The following LRRC49 variants were observed in gnomAD, a reference collection of about 807,000 sequenced individuals.
LRRC49 encodes the protein leucine-rich repeat-containing protein 49.
A neutral mutation model predicts 83.3 loss-of-function variants in LRRC49; 50 were observed. That is an observed-to-expected ratio of 0.60 (90% CI 0.48 to 0.76). The LOEUF (loss-of-function observed/expected upper bound fraction) is 0.76. LRRC49 is among the 30% of genes least tolerant of loss of function. LRRC49 has a pLI of 0.00. For synonymous variants in LRRC49, 286 were observed against 283.3 expected (o/e 1.01, Z -0.10); for missense variants, 704 against 809.1 (o/e 0.87, Z 1.58).
chr15:70,854,069 T>G, intron 1 of LRRC49: 1 of 1,371,864 alleles, frequency 7.3e-7, no homozygotes, highest in African/African-American at 1.5e-5. Context: ...GGGCCGAGCC[T>G]CCCCGCCGGA....
chr15:70,914,082 G>A (rs187978256), intron 6 of LRRC49, among the ~76,000 whole-genome samples: 159 of 151,740 alleles, frequency 1.0e-3, no homozygotes, highest in African/African-American at 3.6e-3. Flanking sequence ...GAAGTAATTT[G>A]TGCAGTACAA....
At chr15:70,875,773 C>T (rs2033140851) in intron 2 of LRRC49, among the ~76,000 whole-genome samples, 1 of 152,126 alleles carries the variant, frequency 6.6e-6, no homozygotes, top group Non-Finnish European at 1.5e-5. Context: ...ACACTATAGC[C>T]GATAAGCGTC....
Position 70,886,378 on chromosome 15 carries a change from A to T in LRRC49, c.19-7206A>T, listed in dbSNP as rs540870354. Among the ~76,000 whole-genome samples, 3 of 152,352 alleles carry T rather than the reference A, an allele frequency of 2.0e-5. No individual in the cohort carries two copies. In the East Asian group the frequency reaches 5.8e-4, roughly 29 times the overall value. On this transcript the variant is annotated intron_variant, in intron 2 of 16. Coordinates refer to the LRRC49 transcript ENST00000544974. ...TTTGTGAAATAAGCTTGTGAAACTT[A>T]GCTGCACCATTTAACATTCACCATA...
At chr15:71,012,171 A>G (rs1452722022) in intron 13 of LRRC49, among the ~76,000 whole-genome samples, 1 of 152,206 alleles carries the variant, frequency 6.6e-6, no homozygotes, top group Non-Finnish European at 1.5e-5. Context: ...CCTATTTTAT[A>G]TTAAAGAAAA....
At chr15:71,002,976 T>A in intron 11 of LRRC49, among the ~76,000 whole-genome samples, 1 of 111,686 alleles carries the variant, frequency 9.0e-6, no homozygotes, top group Non-Finnish European at 1.8e-5. Context: ...GAGACAGAGT[T>A]TTTGAGGCTG....
chr15:70,982,086 T>G (rs1025577868), intron 10 of LRRC49, among the ~76,000 whole-genome samples: 2 of 152,096 alleles, frequency 1.3e-5, no homozygotes, highest in Admixed American at 1.3e-4. Flanking sequence ...TAACCCAAAT[T>G]AAAGAAGCTT....
chr15:70,894,628 C>G (rs1225085443), intron 2 of LRRC49: 1 of 1,287,382 alleles, frequency 7.8e-7, no homozygotes, highest in African/African-American at 1.5e-5. Context: ...ATGATTTTTC[C>G]TCCTTTGACC....
chr15:70,859,292 G>A (rs1001808844), intron 1 of LRRC49: 8 of 821,812 alleles, frequency 9.7e-6, no homozygotes, highest in Non-Finnish European at 1.7e-5. Flanking sequence ...GAATGAATTT[G>A]TCCTCATCAA....
At chr15:71,049,031 C>T (rs1445812684) in intron 15 of LRRC49, among the ~76,000 whole-genome samples, 1 of 152,130 alleles carries the variant, frequency 6.6e-6, no homozygotes, top group African/African-American at 2.4e-5. Context: ...GAAATTGTCA[C>T]TATCTGTATC....
intron 2 of LRRC49, among the ~76,000 whole-genome samples, chr15:70,880,589 G>A (rs985011198): frequency 5.9e-5 from 9 of 152,038 alleles, no homozygotes; most frequent in Middle Eastern, 3.2e-3. Context: ...TTCCTTATAC[G>A]TCATTTAAAA....
At position 71,052,185 on chromosome 15, in the gene LRRC49, T is replaced by A. The variant is rs557231832; in HGVS notation, c.*2573T>A. ...AACAAATTGCCATTTCTTCTTGGAA[T>A]TTTCCAGGGTTTTCAGGGAAGGGGA... is the stretch of plus-strand genomic sequence containing the variant. On this transcript the variant is annotated 3_prime_UTR_variant, in exon 16 of 16. Transcript: ENST00000260382. The A allele has an allele frequency of 3.3e-4, 51 of 152,248 alleles. No individual in the cohort carries two copies. Among genetic ancestry groups the A allele is most frequent in the African/African-American group, 1.2e-3 (48 of 41,512 alleles). 9.4% of individuals were successfully genotyped at this position (152,248 alleles called of 1,614,324 possible). A position where few individuals can be genotyped will look rare whatever the true frequency, so the allele number is the denominator to read the frequency against.
intron 9 of LRRC49, among the ~76,000 whole-genome samples, chr15:70,977,616 A>G (rs2037252446): frequency 6.6e-6 from 1 of 152,134 alleles, no homozygotes; most frequent in African/African-American, 2.4e-5. Flanking sequence ...TGGCACTCCA[A>G]GCCTGGGCAA....
intron 2 of LRRC49, among the ~76,000 whole-genome samples, chr15:70,893,863 T>C (rs1021254574): frequency 7.3e-5 from 11 of 150,868 alleles, no homozygotes; most frequent in African/African-American, 2.7e-4. Flanking sequence ...GGTAAGGGTT[T>C]TTTTGTTTTT....
intron 8 of LRRC49, among the ~76,000 whole-genome samples, chr15:70,942,242 T>G (rs1224328058): frequency 6.6e-6 from 1 of 152,128 alleles, no homozygotes; most frequent in East Asian, 1.9e-4. Flanking sequence ...AAAACACTGA[T>G]GTACCAAAGG....
intron 10 of LRRC49, 33 bp from the exon 11 acceptor site, chr15:70,984,061 A>T: frequency 6.3e-7 from 1 of 1,588,896 alleles, no homozygotes; most frequent in Non-Finnish European, 8.6e-7. Context: ...AAATTGCATT[A>T]TATAACTTTT....
intron 11 of LRRC49, among the ~76,000 whole-genome samples, chr15:70,998,467 GT>G (rs1394783705): frequency 2.7e-5 from 4 of 148,960 alleles, no homozygotes; most frequent in Admixed American, 6.7e-5. Context: ...GGGTTGACAG[GT>G]TTTTTTTTTC....
At chr15:70,853,904 G>C (rs1358078963) in intron 1 of LRRC49, 9 of 1,342,256 alleles carry the variant, frequency 6.7e-6, no homozygotes, top group South Asian at 3.7e-5. Context: ...CCCGCGGCTC[G>C]GCTCCTCCTC....
At chr15:70,892,679 G>T, upstream of LRRC49, 1 of 1,452,124 alleles carries the variant, frequency 6.9e-7, no homozygotes, top group African/African-American at 1.4e-5. Context: ...ATAGAACGAG[G>T]AAGTGGTGAC....
chr15:71,010,168 GA>G (rs534867551), intron 13 of LRRC49, among the ~76,000 whole-genome samples, 176 bp downstream of exon 13: 6 of 151,668 alleles, frequency 4.0e-5, no homozygotes, highest in Non-Finnish European at 7.4e-5. Flanking sequence ...AACTTCCAAA[GA>G]ACTAAATAAA....
Sources: gnomAD v4.1 joint callset for allele counts (sites outside exome capture counted in the v4.1 genomes callset) on GRCh38, gnomAD v4.1.1 for gene constraint, MANE v1.5 for transcripts, NCBI Gene and HGNC (gene_info 2026-07-23, HGNC 2026-07-21) for gene names.